Variants in POU6F2 observed in about 807,000 individuals in gnomAD.
The protein encoded by POU6F2 is POU domain, class 6, transcription factor 2.
Under a neutral mutation model 71.3 loss-of-function variants are expected in POU6F2, and 31 were observed. That is an observed-to-expected ratio of 0.43 (90% CI 0.33 to 0.59). POU6F2 has a LOEUF of 0.59. Among genes scored for constraint, POU6F2 ranks in the 20% least tolerant of loss-of-function variants. The pLI is 0.04. For synonymous variants in POU6F2, 347 were observed against 355.7 expected (o/e 0.98, Z 0.27); for missense variants, 783 against 856.8 (o/e 0.91, Z 1.07).
chr7:39,184,587 A>G (rs1793495241), intron 2 of POU6F2, among the ~76,000 whole-genome samples: 1 of 152,206 alleles, frequency 6.6e-6, no homozygotes, highest in African/African-American at 2.4e-5. Context: ...CTCTTTGGAC[A>G]GCAACTGTGC....
chr7:38,979,892 T>C (rs1197189827), intron 1 of POU6F2, among the ~76,000 whole-genome samples: 2 of 152,128 alleles, frequency 1.3e-5, no homozygotes. Context: ...GAAAGTCACT[T>C]GTAGTTTGTT....
intron 1 of POU6F2, among the ~76,000 whole-genome samples, chr7:39,015,681 G>A (rs1789472964): frequency 5.4e-5 from 1 of 18,382 alleles, no homozygotes; most frequent in Non-Finnish European, 1.3e-4. Context: ...TTATATCTAT[G>A]TTATATATCT....
chr7:39,062,145 T>C lies in POU6F2; in HGVS notation c.106-23715T>C, dbSNP rs1363308428. ...AGCTTGAAGCCATTATTAGGATTTATACCTAGATACCAGCAATTTGGTCCA... is the reference window on the plus strand; with the variant it reads ...AGCTTGAAGCCATTATTAGGATTTACACCTAGATACCAGCAATTTGGTCCA... On this transcript the variant is annotated intron_variant, in intron 1 of 9. Coordinates refer to ENST00000518318, the MANE Select transcript of POU6F2 (RefSeq NM_001370959.1). Among the ~76,000 whole-genome samples the C allele has an allele frequency of 1.3e-5, 2 of 152,208 alleles. 1 individual carries two copies. The highest frequency in any genetic ancestry group is 2.9e-5 in the Non-Finnish European group (2 of 68,038).
At chr7:39,108,534 C>G (rs1280254483) in intron 2 of POU6F2, among the ~76,000 whole-genome samples, 1 of 152,276 alleles carries the variant, frequency 6.6e-6, no homozygotes, top group South Asian at 2.1e-4. Context: ...TACCCTGTGC[C>G]ACATCCCCAG....
At chr7:39,271,639 G>A (rs1339299580) in intron 4 of POU6F2, among the ~76,000 whole-genome samples, 6 of 152,126 alleles carry the variant, frequency 3.9e-5, no homozygotes, top group Admixed American at 3.3e-4. Flanking sequence ...TCCCAGCAGC[G>A]TGAGCTTTGC....
chr7:39,238,402 T>C (rs958372416), intron 4 of POU6F2, among the ~76,000 whole-genome samples: 1 of 152,152 alleles, frequency 6.6e-6, no homozygotes, highest in Non-Finnish European at 1.5e-5. Context: ...AACTTCAGTC[T>C]GCCGGCGGAA....
At chr7:39,444,367 TGAGCTCAG>T (rs1788475908) in intron 7 of POU6F2, among the ~76,000 whole-genome samples, 1 of 152,202 alleles carries the variant, frequency 6.6e-6, no homozygotes, top group African/African-American at 2.4e-5. Flanking sequence ...GCAGATCGCC[TGAGCTCAG>T]GAGTTCGAGA....
chr7:39,070,480 G>T (rs1180226492), intron 1 of POU6F2, among the ~76,000 whole-genome samples: 1 of 151,940 alleles, frequency 6.6e-6, no homozygotes, highest in African/African-American at 2.4e-5. Context: ...AAACCCTCAA[G>T]TGGTTTTCTC....
At chr7:39,299,120 C>T (rs1784905883) in intron 4 of POU6F2, among the ~76,000 whole-genome samples, 1 of 152,070 alleles carries the variant, frequency 6.6e-6, no homozygotes, top group Non-Finnish European at 1.5e-5. Context: ...ACATGTAAAC[C>T]TATGTAACAA....
chr7:38,997,232 C>T (rs1788766592), intron 1 of POU6F2, among the ~76,000 whole-genome samples: 1 of 152,142 alleles, frequency 6.6e-6, no homozygotes, highest in Non-Finnish European at 1.5e-5. Context: ...CTTCCCTATT[C>T]TGAAACATGA....
chr7:39,358,870 AT>A (rs1255636906), intron 5 of POU6F2, among the ~76,000 whole-genome samples: 1 of 105,202 alleles, frequency 9.5e-6, no homozygotes, highest in African/African-American at 3.4e-5. Context: ...GTACTTCTGT[AT>A]TTAAAAAAAA....
chr7:39,184,663 G>C (rs1793496250), intron 2 of POU6F2, among the ~76,000 whole-genome samples: 1 of 152,130 alleles, frequency 6.6e-6, no homozygotes, highest in South Asian at 2.1e-4. Context: ...TTGTGGCTTG[G>C]GTGGGGCACT....
At chr7:39,056,764 A>G (rs1018858611) in intron 1 of POU6F2, among the ~76,000 whole-genome samples, 6 of 150,858 alleles carry the variant, frequency 4.0e-5, no homozygotes, top group Admixed American at 1.3e-4. Context: ...ATTTTTTAAT[A>G]ATAGAATTGT....
At chr7:38,988,746 G>A (rs977614439) in intron 1 of POU6F2, among the ~76,000 whole-genome samples, 10 of 152,062 alleles carry the variant, frequency 6.6e-5, no homozygotes, top group South Asian at 2.1e-4. Flanking sequence ...AGGACGTGGC[G>A]CAAGGCCCTG....
chr7:39,007,027 G>A (rs532080598), intron 1 of POU6F2, among the ~76,000 whole-genome samples: 8 of 152,116 alleles, frequency 5.3e-5, no homozygotes, highest in African/African-American at 1.4e-4. Context: ...TCTCCAAAAC[G>A]TTAGATTTAT....
chr7:39,247,182 A>T (rs1286443541), intron 4 of POU6F2, among the ~76,000 whole-genome samples: 3 of 152,114 alleles, frequency 2.0e-5, no homozygotes, highest in African/African-American at 7.2e-5. Flanking sequence ...AGATAAATAA[A>T]TGGAGGCCAA....
intron 5 of POU6F2, among the ~76,000 whole-genome samples, chr7:39,344,143 G>A (rs1785981542): frequency 6.6e-6 from 1 of 152,140 alleles, no homozygotes; most frequent in Non-Finnish European, 1.5e-5. Flanking sequence ...GTACCATCTT[G>A]CATGGCAGGA....
chr7:39,207,542 A>T lies in POU6F2; in HGVS notation c.520A>T (p.Asn174Tyr). 1 of 1,614,056 alleles carries T rather than the reference A, an allele frequency of 6.2e-7. No individual in the cohort carries two copies. Among genetic ancestry groups the T allele is most frequent in the Non-Finnish European group, 8.5e-7 (1 of 1,179,886 alleles). ...QGLVLTLPTA[N>Y]LTNIQGLVAA... is the part of the protein sequence containing the mutation. ...ACTGGTTCTCACACTGCCAACAGCGAATCTCACCAACATCCAAGGGCTGGT... is the reference window on the plus strand; with the variant it reads ...ACTGGTTCTCACACTGCCAACAGCGTATCTCACCAACATCCAAGGGCTGGT... Residue 174 changes from asparagine (N) to tyrosine (Y), a missense_variant, in exon 4 of 10, where the codon AAT becomes TAT. Coordinates refer to ENST00000518318, the MANE Select transcript of POU6F2 (RefSeq NM_001370959.1).
rs117268914 is a variant in POU6F2 at position 39,161,253 on chromosome 7, G to A, written c.278-42982G>A. Among the ~76,000 whole-genome samples, 199 of 152,190 alleles carry A rather than the reference G, an allele frequency of 1.3e-3. 1 individual carries two copies. In the East Asian group the frequency reaches 0.036, roughly 27 times the overall value. ...TCATCTTCACAAATCTTTTTATAGGGAGATGGTTTAATACCTTCCACTTCA... is the reference window on the plus strand; with the variant it reads ...TCATCTTCACAAATCTTTTTATAGGAAGATGGTTTAATACCTTCCACTTCA... On this transcript the variant is annotated intron_variant, in intron 2 of 9. Coordinates refer to ENST00000518318, the MANE Select transcript of POU6F2 (RefSeq NM_001370959.1).
Sources: gnomAD v4.1 joint callset for allele counts (sites outside exome capture counted in the v4.1 genomes callset) on GRCh38, gnomAD v4.1.1 for gene constraint, MANE v1.5 for transcripts, NCBI Gene and HGNC (gene_info 2026-07-23, HGNC 2026-07-21) for gene names.